XPOT: variants seen among roughly 807,000 people sequenced by gnomAD.
XPOT encodes the protein exportin-T.
A neutral mutation model predicts 128.2 loss-of-function variants in XPOT; 34 were observed. The observed-to-expected ratio is 0.27, with a 90% CI of 0.20 to 0.35. XPOT has a LOEUF of 0.35. Ranked by LOEUF, XPOT falls within the 10% of genes least tolerant of loss-of-function variation. The pLI is 1.00. For missense variants in XPOT, 838 were observed against 1,125.3 expected (o/e 0.74, Z 3.65); for synonymous variants, 348 against 394.3 (o/e 0.88, Z 1.39).
intron 1 of XPOT, among the ~76,000 whole-genome samples, chr12:64,409,006 C>CT (rs60148480): frequency 0.32 from 47,466 of 148,290 alleles, 7,831 homozygotes; most frequent in East Asian, 0.59. Context: ...TATTGAAAAA[C>CT]TTTTTTTTTT....
intron 2 of XPOT, among the ~76,000 whole-genome samples, chr12:64,413,312 A>G (rs2040057681): frequency 1.3e-5 from 2 of 152,284 alleles, no homozygotes; most frequent in South Asian, 4.1e-4. Context: ...TATGTTGCCC[A>G]GGCTAGCCTT....
At chr12:64,421,175 G>C in intron 8 of XPOT, 60 bp from the exon 9 acceptor site, 2 of 1,247,850 alleles carry the variant, frequency 1.6e-6, no homozygotes, top group South Asian at 2.5e-5. Context: ...TTAAAGTTCA[G>C]TTTTTCCTCT....
chr12:64,440,590 G>GTT (rs2040316977), intron 23 of XPOT, among the ~76,000 whole-genome samples: 1 of 152,128 alleles, frequency 6.6e-6, no homozygotes, highest in African/African-American at 2.4e-5. Flanking sequence ...TTGTGTAGCA[G>GTT]GGTTCCAGTT....
In XPOT at chr12:64,434,509, G is replaced by T. The variant is rs1025271039; in HGVS notation, c.2455G>T (p.Ala819Ser). Residue 819 changes from alanine (A) to serine (S), a missense_variant and splice_region_variant, in exon 20 of 25, where the codon GCA becomes TCA. Around this residue, in one of 3 missense-constraint regions of XPOT, gnomAD observed 761 missense variants for 988.3 expected, o/e 0.77. Coordinates refer to ENST00000332707, the MANE Select transcript of XPOT (RefSeq NM_007235.6). The stretch of plus-strand genomic sequence containing the variant: ...AAACTAAAGGTTTTTCTCCTCAGGT[G>T]CAGAGAATGTAGAAAGAGTGTTGGT... The part of the protein sequence containing the change: ...GMSEVIANQG[A>S]ENVERVLVTV... The T allele has an allele frequency of 1.2e-6, 2 of 1,610,732 alleles. No individual in the cohort carries two copies. Among genetic ancestry groups the T allele is most frequent in the African/African-American group, 2.7e-5 (2 of 74,850 alleles).
chr12:64,407,640 A>G (rs2039995274), intron 1 of XPOT, among the ~76,000 whole-genome samples: 2 of 152,178 alleles, frequency 1.3e-5, no homozygotes, highest in South Asian at 2.1e-4. Context: ...TTGAATTTCA[A>G]AGGACAGCAG....
chr12:64,432,275 T>G (rs1321829404), intron 18 of XPOT, among the ~76,000 whole-genome samples: 1 of 152,002 alleles, frequency 6.6e-6, no homozygotes, highest in African/African-American at 2.4e-5. Context: ...GGAGATAGTC[T>G]CACTCTGTCA....
At chr12:64,423,131 A>G in intron 10 of XPOT, 51 bp from the exon 11 acceptor site, 1 of 1,591,502 alleles carries the variant, frequency 6.3e-7, no homozygotes, top group Non-Finnish European at 8.6e-7. Context: ...AAATTATATC[A>G]AATTAGAAGG....
chr12:64,420,910 C>T (rs2040132111), intron 8 of XPOT, among the ~76,000 whole-genome samples: 1 of 152,170 alleles, frequency 6.6e-6, no homozygotes, highest in Non-Finnish European at 1.5e-5. Flanking sequence ...AAGTGATTCT[C>T]CTGTCTCAGC....
chr12:64,443,432 A>T (rs2136039974), intron 23 of XPOT: 1 of 152,266 alleles, frequency 6.6e-6, no homozygotes, highest in Non-Finnish European at 1.5e-5. Flanking sequence ...GTCCATGAAC[A>T]CAGCTTTCAA....
chr12:64,438,066 A>T (rs2040296983), intron 22 of XPOT, among the ~76,000 whole-genome samples: 2 of 152,106 alleles, frequency 1.3e-5, no homozygotes, highest in African/African-American at 4.8e-5. Context: ...AAGAGAGGAG[A>T]TTGGATGGCG....
Position 64,431,641 on chromosome 12 carries a change from C to G in XPOT, c.2080C>G (p.Pro694Ala), listed in dbSNP as rs145454814. 3.1e-6 allele frequency: 5 copies of G among 1,613,784 alleles called. No homozygotes were observed. The highest frequency in any genetic ancestry group is 1.3e-5 in the African/African-American group (1 of 74,920). Residue 694 changes from proline to alanine, a missense_variant, in exon 18 of 25, where the codon CCC (proline) becomes GCC (alanine). Physicochemically the swap from Pro to Ala is conservative, Grantham distance 27. This residue lies in a region of XPOT where 761 missense variants were observed against 988.3 expected (regional missense o/e 0.77). Coordinates refer to ENST00000332707, the MANE Select transcript of XPOT (RefSeq NM_007235.6). ...LQTFLPALSC[P>A]LQKDILRSGV... ...GACATTCTTGCCAGCCCTCAGTTGTCCCTTACAAAAGGATATTCTCAGAAG... is the reference window on the plus strand; with the variant it reads ...GACATTCTTGCCAGCCCTCAGTTGTGCCTTACAAAAGGATATTCTCAGAAG...
chr12:64,421,407 A>C lies in XPOT; in HGVS notation c.1016A>C (p.Glu339Ala), dbSNP rs917081798. Residue 339 changes from glutamate to alanine, a missense_variant, in exon 9 of 25, where the codon GAG (glutamate) becomes GCG (alanine). Physicochemically the swap from Glu to Ala is moderately radical, Grantham distance 107 (BLOSUM62 -1). Transcript: ENST00000332707. ...VALMLQLLIH[E>A]DDDISSNIIG... ...CTGATGTTGCAGCTACTAATTCATGAGGATGATGATATTTCTTCTAATATT... is the reference window on the plus strand; with the variant it reads ...CTGATGTTGCAGCTACTAATTCATGCGGATGATGATATTTCTTCTAATATT... 1 of 1,613,982 alleles carries C rather than the reference A, an allele frequency of 6.2e-7. No homozygotes were observed. Among genetic ancestry groups the C allele is most frequent in the African/African-American group, 1.3e-5 (1 of 74,948 alleles).
intron 15 of XPOT, among the ~76,000 whole-genome samples, chr12:64,426,500 C>T (rs1460838529): frequency 2.0e-5 from 3 of 152,014 alleles, no homozygotes; most frequent in Non-Finnish European, 4.4e-5. Context: ...TGGGTACACA[C>T]AGATATGAAG....
intron 17 of XPOT, among the ~76,000 whole-genome samples, chr12:64,431,208 TG>T (rs1464859990): frequency 6.6e-6 from 1 of 152,218 alleles, no homozygotes; most frequent in Non-Finnish European, 1.5e-5. Flanking sequence ...CCTCCCAAAG[TG>T]CTGGAATTAG....
intron 5 of XPOT, among the ~76,000 whole-genome samples, chr12:64,418,510 G>T (rs117452393): frequency 6.6e-6 from 1 of 152,144 alleles, no homozygotes; most frequent in Non-Finnish European, 1.5e-5. Context: ...TAAAGCAGTT[G>T]TGTAGCTAGA....
At chr12:64,434,703 CAGAG>C (rs1165860838) in intron 20 of XPOT, 80 bp downstream of exon 20, 21 of 1,525,818 alleles carry the variant, frequency 1.4e-5, no homozygotes, top group East Asian at 2.3e-5. Context: ...ATAGCCCTAA[CAGAG>C]AGAGAAACTG....
intron 23 of XPOT, among the ~76,000 whole-genome samples, chr12:64,440,106 A>C (rs1325564580): frequency 6.6e-6 from 1 of 152,166 alleles, no homozygotes; most frequent in Non-Finnish European, 1.5e-5. Flanking sequence ...AAGACTTTAT[A>C]CCCACTGATT....
intron 6 of XPOT, among the ~76,000 whole-genome samples, chr12:64,419,349 G>C (rs1293759145): frequency 6.6e-6 from 1 of 151,952 alleles, no homozygotes; most frequent in African/African-American, 2.4e-5. Flanking sequence ...ACGGAGTCTT[G>C]CTCTGTTCCC....
In XPOT at chr12:64,431,457, T is replaced by C; in HGVS notation, c.1977-81T>C. On this transcript the variant is annotated intron_variant, in intron 17 of 24. Transcript: ENST00000332707. ...ATTTAGTTTTGTTAATTTTGTAATT[T>C]GTTGTGCATTGCTTTTGAATACTCC... The C allele has an allele frequency of 2.2e-6, 3 of 1,386,354 alleles. No homozygotes were observed. In the South Asian group the frequency reaches 4.1e-5, roughly 19 times the overall value. The allele number at this position is 1,386,354 out of a possible 1,614,324, so 85.9% of individuals were successfully genotyped here.
Sources: allele counts gnomAD v4.1 joint callset (sites outside exome capture counted in the v4.1 genomes callset), GRCh38; gene constraint gnomAD v4.1.1; regional missense constraint gnomAD v4.1.1; transcripts MANE v1.5; gene names NCBI Gene and HGNC (gene_info 2026-07-23, HGNC 2026-07-21).